The following KRT86 variants were observed in gnomAD, a reference collection of about 807,000 sequenced individuals.
KRT86 encodes the protein keratin 86.
In KRT86, 30 loss-of-function variants were observed where a neutral mutation model predicts 41.2. The observed-to-expected ratio is 0.73, with a 90% CI of 0.54 to 0.99. The LOEUF (loss-of-function observed/expected upper bound fraction) is 0.99, where lower values mean the gene tolerates loss of function less well. KRT86 is among the 50% of genes least tolerant of loss of function. The pLI is 0.00. For synonymous variants in KRT86, 238 were observed against 238.1 expected (o/e 1.00, Z 0.00); for missense variants, 561 against 571.4 (o/e 0.98, Z 0.19).
chr12:52,297,012 C>G (rs1233412611), intron 2 of KRT86, among the ~76,000 whole-genome samples: 2 of 152,224 alleles, frequency 1.3e-5, no homozygotes, highest in Non-Finnish European at 2.9e-5. Flanking sequence ...CACAGTATCT[C>G]ATGATCCTCT....
chr12:52,286,493 C>T (rs1937941184), intron 2 of KRT86: 1 of 1,552,114 alleles, frequency 6.4e-7, no homozygotes, highest in Non-Finnish European at 8.7e-7. Context: ...GCTGCTGACA[C>T]CTGTGAACCC....
intron 2 of KRT86, among the ~76,000 whole-genome samples, chr12:52,297,428 T>C (rs1157236481): frequency 6.6e-6 from 1 of 152,176 alleles, no homozygotes; most frequent in East Asian, 1.9e-4. Flanking sequence ...CTAGGAAATA[T>C]CAGTCACAAA....
In KRT86 at chr12:52,301,949, C is replaced by T. The variant is rs371864554; in HGVS notation, c.33C>T (p.Ala11=). Reference sequence around the variant, plus strand: ...GTGGATCTTACTGTGGTGGCCGCGCCTTCAGCTGCATCTCGGCCTGCGGGC... The same window carrying T: ...GTGGATCTTACTGTGGTGGCCGCGCTTTCAGCTGCATCTCGGCCTGCGGGC... The part of the protein sequence containing the change: MTCGSYCGGR[A]FSCISACGPR... The change falls in exon 3 of 11, where the codon GCC becomes GCT. Residue 11 remains alanine, a synonymous_variant. Coordinates refer to ENST00000423955, the MANE Select transcript of KRT86 (RefSeq NM_001320198.2). 2 of 1,613,720 alleles carry T rather than the reference C, an allele frequency of 1.2e-6. No homozygotes were observed. Among genetic ancestry groups the T allele is most frequent in the African/African-American group, 2.7e-5 (2 of 74,936 alleles).
At chr12:52,282,669 C>A (rs1294132598) in intron 2 of KRT86, among the ~76,000 whole-genome samples, 2 of 152,192 alleles carry the variant, frequency 1.3e-5, no homozygotes, top group Non-Finnish European at 2.9e-5. Context: ...GCAAGGGCTC[C>A]TTGGCCAGAG....
At chr12:52,293,150 T>G (rs1275053362) in intron 2 of KRT86, among the ~76,000 whole-genome samples, 1 of 152,220 alleles carries the variant, frequency 6.6e-6, no homozygotes, top group Non-Finnish European at 1.5e-5. Flanking sequence ...GAATTAGAAT[T>G]AGAAAGAACT....
chr12:52,280,930 C>G (rs1021242028), intron 2 of KRT86, among the ~76,000 whole-genome samples: 19 of 152,308 alleles, frequency 1.2e-4, no homozygotes, highest in Non-Finnish European at 2.1e-4. Flanking sequence ...ACCTGCGTCA[C>G]TCAGGACTGT....
intron 2 of KRT86, chr12:52,287,140 G>A (rs141521550): frequency 2.0e-5 from 32 of 1,613,282 alleles, no homozygotes; most frequent in Middle Eastern, 1.8e-4. Flanking sequence ...TGTAGGTGGC[G>A]ATCTCGATGT....
chr12:52,277,983 C>T (rs530470823), intron 2 of KRT86, among the ~76,000 whole-genome samples: 4 of 152,302 alleles, frequency 2.6e-5, no homozygotes, highest in South Asian at 4.2e-4. Flanking sequence ...GACCAGGGGC[C>T]GGTTTGTCCA....
chr12:52,276,065 A>G (rs1417964014), intron 2 of KRT86, 119 bp downstream of exon 2: 24 of 956,170 alleles, frequency 2.5e-5, no homozygotes, highest in Non-Finnish European at 3.0e-5. Flanking sequence ...CTCTTAGTGA[A>G]TGTCTAAGCA....
Position 52,301,717 on chromosome 12 carries a change from C to T in KRT86, c.-4-196C>T, listed in dbSNP as rs938049390. ...GCTGCTTCTGGGCACCAATTAAGTA[C>T]ATTAAGTGGGGAGCGACAGCAGCTA... On this transcript the variant is annotated intron_variant, in intron 2 of 10. Transcript: ENST00000423955. 3.0e-6 allele frequency: 3 copies of T among 998,572 alleles called. No homozygotes were observed. In the African/African-American group the frequency reaches 4.9e-5, roughly 16 times the overall value. 61.9% of individuals were successfully genotyped at this position (998,572 alleles called of 1,614,324 possible). A position where few individuals can be genotyped will look rare whatever the true frequency, so the allele number is the denominator to read the frequency against.
chr12:52,297,540 G>C (rs1945284), intron 2 of KRT86, among the ~76,000 whole-genome samples: 20,239 of 152,168 alleles, frequency 0.13, 1,684 homozygotes, highest in East Asian at 0.29. Context: ...ATGAACCGAA[G>C]GGAGCACTGA....
chr12:52,277,006 T>G (rs973790656), intron 2 of KRT86, among the ~76,000 whole-genome samples: 1 of 152,072 alleles, frequency 6.6e-6, no homozygotes, highest in Non-Finnish European at 1.5e-5. Context: ...AGTGAGTGGG[T>G]GGGCCATCAT....
chr12:52,286,499 A>C, intron 2 of KRT86: 1 of 1,552,010 alleles, frequency 6.4e-7, no homozygotes, highest in Non-Finnish European at 8.7e-7. Flanking sequence ...GACACCTGTG[A>C]ACCCCGAAGG....
chr12:52,300,759 C>G (rs1343449696), intron 2 of KRT86, among the ~76,000 whole-genome samples: 2 of 152,230 alleles, frequency 1.3e-5, no homozygotes, highest in Admixed American at 1.3e-4. Flanking sequence ...GCTGGATGCT[C>G]TCCTCATGTG....
At chr12:52,280,945 C>T (rs1592416313) in intron 2 of KRT86, among the ~76,000 whole-genome samples, 1 of 152,176 alleles carries the variant, frequency 6.6e-6, no homozygotes, top group African/African-American at 2.4e-5. Flanking sequence ...GACTGTTGCT[C>T]ACATTTTCCC....
chr12:52,302,844 G>T (rs1477191237), intron 3 of KRT86, among the ~76,000 whole-genome samples: 1 of 119,606 alleles, frequency 8.4e-6, no homozygotes, highest in South Asian at 3.0e-4. Flanking sequence ...TGGGGGGTGG[G>T]GGGGGGGTCA....
intron 2 of KRT86, chr12:52,288,478 G>A (rs1938036742): frequency 1.2e-6 from 2 of 1,613,634 alleles, no homozygotes; most frequent in African/African-American, 2.7e-5. Flanking sequence ...GGGAGTGTTG[G>A]AGCTCAAGGA....
At position 52,308,566 on chromosome 12, in the gene KRT86, G is replaced by A. The variant is rs1938572827; in HGVS notation, c.1442G>A (p.Gly481Asp). The A allele has an allele frequency of 1.9e-6, 3 of 1,598,914 alleles. No homozygotes were observed. The African/African-American group carries it at 4.0e-5, about 21-fold the overall frequency. Residue 481 changes from glycine to aspartate, a missense_variant, in exon 11 of 11, where the codon GGC (glycine) becomes GAC (aspartate). Gly to Asp is a moderately conservative substitution (Grantham distance 94). Transcript: ENST00000423955. ...TCCGCCCGGGTTGGCGTCTGCGGCGGCAGCTGTAAGAGGTGCTAGGAGGCT... is the reference window on the plus strand; with the variant it reads ...TCCGCCCGGGTTGGCGTCTGCGGCGACAGCTGTAAGAGGTGCTAGGAGGCT... ...APSARVGVCG[G>D]SCKRC
chr12:52,305,822 C>T (rs751540923), intron 8 of KRT86, 34 bp downstream of exon 8: 13 of 1,613,758 alleles, frequency 8.1e-6, no homozygotes, highest in African/African-American at 4.0e-5. Context: ...TCAGAGAGAC[C>T]GAGGGTCTAA....
Sources: allele counts gnomAD v4.1 joint callset (sites outside exome capture counted in the v4.1 genomes callset), GRCh38; gene constraint gnomAD v4.1.1; transcripts MANE v1.5; gene names NCBI Gene and HGNC (gene_info 2026-07-23, HGNC 2026-07-21).